CDC42: variants seen among roughly 807,000 people sequenced by gnomAD.
The protein encoded by CDC42 is cell division cycle 42, also known as cell division control protein 42 homolog.
CDC42 carries 1 observed loss-of-function variant against 20.8 expected under a neutral mutation model. That is an observed-to-expected ratio of 0.05 (90% CI 0.02 to 0.23). CDC42 has a LOEUF of 0.23. CDC42 is among the 10% of genes least tolerant of loss of function. The pLI is 1.00. For synonymous variants in CDC42, 72 were observed against 84.8 expected, an observed-to-expected ratio of 0.85 and a Z score of 0.83; for missense variants, 49 against 227.9, an observed-to-expected ratio of 0.21 and a Z score of 5.05.
At chr1:22,057,650 C>G (rs1392820041) in intron 1 of CDC42, among the ~76,000 whole-genome samples, 3 of 152,112 alleles carry the variant, frequency 2.0e-5, no homozygotes, top group African/African-American at 7.2e-5. Flanking sequence ...TCTCAAAGTA[C>G]TGGGATTACA....
intron 5 of CDC42, chr1:22,090,903 C>CT: frequency 1.9e-6 from 1 of 521,014 alleles, no homozygotes; most frequent in Non-Finnish European, 2.5e-6. Context: ...CTCCTTGACT[C>CT]TGTCTAACTG....
intron 1 of CDC42, among the ~76,000 whole-genome samples, chr1:22,060,321 C>T (rs1256594645): frequency 1.3e-5 from 2 of 151,498 alleles, no homozygotes; most frequent in African/African-American, 4.9e-5. Flanking sequence ...TGGGTGACAG[C>T]TGAGACTCCG....
intron 5 of CDC42, among the ~76,000 whole-genome samples, chr1:22,087,614 T>C (rs1645674129): frequency 6.6e-6 from 1 of 152,140 alleles, no homozygotes; most frequent in African/African-American, 2.4e-5. Flanking sequence ...AAGGAAAAGG[T>C]TATGGAAATA....
chr1:22,067,348 C>T (rs1047001373), intron 1 of CDC42, among the ~76,000 whole-genome samples: 1 of 151,824 alleles, frequency 6.6e-6, no homozygotes, highest in African/African-American at 2.4e-5. Context: ...CTTTTTTTGA[C>T]GGTCTCACTC....
At chr1:22,069,798 G>GTTT (rs1645464718) in intron 1 of CDC42, among the ~76,000 whole-genome samples, 1 of 108,242 alleles carries the variant, frequency 9.2e-6, no homozygotes, top group African/African-American at 2.7e-5. Flanking sequence ...GTTTGTTTTT[G>GTTT]TTGTTGTTGT....
rs571406496 is a variant in CDC42, at chr1:22,099,235, G to A, written c.*7718G>A. The stretch of plus-strand genomic sequence containing the variant: ...AGGAATATTAATCACATCCAGGAGG[G>A]CTCTGCCCTAACTGCTGAGAATCAT... On this transcript the variant is annotated 3_prime_UTR_variant, in exon 6 of 6. Transcript: ENST00000656825. 6.6e-6 allele frequency among the ~76,000 whole-genome samples: 1 copy of A among 152,350 alleles called. No homozygotes were observed. Among genetic ancestry groups the A allele is most frequent in the Admixed American group, 6.5e-5 (1 of 15,298 alleles).
Position 22,091,771 on chromosome 1 carries a change from A to T in CDC42, c.*254A>T. The T allele has an allele frequency of 4.3e-6, 1 of 233,872 alleles. No homozygotes were observed. The highest frequency in any genetic ancestry group is 8.0e-6 in the Non-Finnish European group (1 of 125,208). The allele number at this position is 233,872 out of a possible 1,614,324, so 14.5% of individuals were successfully genotyped here. On this transcript the variant is annotated 3_prime_UTR_variant, in exon 6 of 6. Transcript: ENST00000656825. ...TACTATTTTTTTTTGTTGTTTCAAA[A>T]AAAAAATTTTTGTGTGTGTGTGTTT...
In CDC42 at chr1:22,078,959, A is replaced by C. The variant is rs568746984; in HGVS notation, c.105+376A>C. On this transcript the variant is annotated intron_variant, in intron 2 of 5. Transcript: ENST00000656825. ...TGGAGGTCTCCTGGGATACCATTTG[A>C]GGTCCTGTAACTTGAGAGAAAGTAG... 65 of 748,756 alleles carry C rather than the reference A, an allele frequency of 8.7e-5. No homozygotes were observed. The African/African-American group carries it at 1.2e-3, about 14-fold the overall frequency. 46.4% of individuals were successfully genotyped at this position (748,756 alleles called of 1,614,324 possible). A position where few individuals can be genotyped will look rare whatever the true frequency, so the allele number is the denominator to read the frequency against.
At position 22,094,881 on chromosome 1, in the gene CDC42, A is replaced by G. The variant is rs913731084; in HGVS notation, c.*3364A>G. 6.6e-6 allele frequency among the ~76,000 whole-genome samples: 1 copy of G among 152,172 alleles called. No homozygotes were observed. The highest frequency in any genetic ancestry group is 6.5e-5 in the Admixed American group (1 of 15,280). On this transcript the variant is annotated 3_prime_UTR_variant, in exon 6 of 6. Transcript: ENST00000656825. Reference sequence around the variant, plus strand: ...CTTCATAGAATGCTTAAATAGTGGTACTTCTTTGACTTGTTAGGTTTGGAC... The same window carrying G: ...CTTCATAGAATGCTTAAATAGTGGTGCTTCTTTGACTTGTTAGGTTTGGAC...
chr1:22,081,458 C>T (rs1033500504), intron 2 of CDC42, among the ~76,000 whole-genome samples: 1 of 152,200 alleles, frequency 6.6e-6, no homozygotes, highest in Non-Finnish European at 1.5e-5. Flanking sequence ...GGACTCTGCT[C>T]CTGTGACACC....
intron 1 of CDC42, among the ~76,000 whole-genome samples, chr1:22,056,005 A>G (rs763305273): frequency 2.6e-5 from 4 of 151,818 alleles, no homozygotes; most frequent in Non-Finnish European, 5.9e-5. Context: ...AAAAGGCTTC[A>G]TTCTGGAATT....
chr1:22,069,039 G>A (rs1037610974), intron 1 of CDC42, among the ~76,000 whole-genome samples: 21 of 152,136 alleles, frequency 1.4e-4, no homozygotes, highest in African/African-American at 4.8e-5. Context: ...GTGTGCCTAC[G>A]TATAGGACAA....
intron 1 of CDC42, among the ~76,000 whole-genome samples, chr1:22,058,014 C>T (rs551319163): frequency 3.3e-5 from 5 of 152,258 alleles, no homozygotes; most frequent in South Asian, 2.1e-4. Context: ...AGGCGTGAGC[C>T]GCTGCATTCC....
chr1:22,073,392 A>G (rs1173429021), intron 1 of CDC42, among the ~76,000 whole-genome samples: 1 of 151,472 alleles, frequency 6.6e-6, no homozygotes, highest in Non-Finnish European at 1.5e-5. Context: ...TACAAAAATT[A>G]GCCAGACATG....
chr1:22,091,392 T>A, intron 5 of CDC42, 36 bp from the exon 6 acceptor site: 1 of 1,346,782 alleles, frequency 7.4e-7, no homozygotes, highest in Non-Finnish European at 1.1e-6. Context: ...ATACTGAAAA[T>A]CAGACCGCCC....
chr1:22,069,612 A>T (rs12134287), intron 1 of CDC42, among the ~76,000 whole-genome samples: 1 of 119,378 alleles, frequency 8.4e-6, no homozygotes, highest in Middle Eastern at 4.6e-3. Flanking sequence ...ACATGCCACC[A>T]CTTTTTTTTT....
intron 1 of CDC42, among the ~76,000 whole-genome samples, chr1:22,075,373 A>G (rs1645537057): frequency 1.3e-5 from 2 of 152,136 alleles, no homozygotes; most frequent in African/African-American, 4.8e-5. Context: ...TCTTCCCTTG[A>G]TATTGCAGGG....
At chr1:22,056,507 C>T (rs1240699047) in intron 1 of CDC42, among the ~76,000 whole-genome samples, 1 of 152,222 alleles carries the variant, frequency 6.6e-6, no homozygotes, top group Non-Finnish European at 1.5e-5. Context: ...TTGTTCACTA[C>T]TGTATCAGAT....
At chr1:22,081,856 T>C in intron 3 of CDC42, 62 bp downstream of exon 3, 2 of 1,086,748 alleles carry the variant, frequency 1.8e-6, no homozygotes. Context: ...GTCTGTCTCT[T>C]GTGGACATTT....
Sources: allele counts gnomAD v4.1 joint callset (sites outside exome capture counted in the v4.1 genomes callset), GRCh38; gene constraint gnomAD v4.1.1; transcripts MANE v1.5; gene names NCBI Gene and HGNC (gene_info 2026-07-23, HGNC 2026-07-21).